MYO5A: variants seen among roughly 807,000 people sequenced by gnomAD.
The protein encoded by MYO5A is myosin VA.
MYO5A carries 98 observed loss-of-function variants against 249.7 expected under a neutral mutation model. The observed-to-expected ratio is 0.39, with a 90% CI of 0.33 to 0.46. The LOEUF is 0.46. Among genes scored for constraint, MYO5A ranks in the 20% least tolerant of loss-of-function variants. The probability of loss-of-function intolerance (pLI) is 0.98; values close to 1 mark genes in which losing one functional copy is unlikely to be tolerated. For missense variants in MYO5A, 1,696 were observed against 2,308.8 expected, an observed-to-expected ratio of 0.73 and a Z score of 5.44; for synonymous variants, 778 against 810.6, an observed-to-expected ratio of 0.96 and a Z score of 0.68.
chr15:52,459,979 G>A (rs933849617), intron 1 of MYO5A, among the ~76,000 whole-genome samples: 7 of 147,854 alleles, frequency 4.7e-5, no homozygotes, highest in African/African-American at 7.5e-5. Context: ...GGGTGGCGGC[G>A]GGGCAGAGAC....
chr15:52,513,117 T>C (rs2077426469), intron 1 of MYO5A, among the ~76,000 whole-genome samples: 1 of 151,104 alleles, frequency 6.6e-6, no homozygotes, highest in Admixed American at 6.6e-5. Flanking sequence ...AAAAAGATCG[T>C]AAGTCTTAAT....
chr15:52,518,440 A>G (rs2077541511), intron 1 of MYO5A, among the ~76,000 whole-genome samples: 1 of 152,174 alleles, frequency 6.6e-6, no homozygotes, highest in Non-Finnish European at 1.5e-5. Context: ...ACACATTCCG[A>G]CTTTATGAAA....
chr15:52,432,510 C>T (rs1474390972), intron 2 of MYO5A, among the ~76,000 whole-genome samples: 2 of 152,176 alleles, frequency 1.3e-5, no homozygotes, highest in East Asian at 3.8e-4. Context: ...CTTCAAATTC[C>T]AAAAGCCACT....
At chr15:52,528,210 G>C (rs1031726468) in intron 1 of MYO5A, among the ~76,000 whole-genome samples, 1 of 152,172 alleles carries the variant, frequency 6.6e-6, no homozygotes, top group African/African-American at 2.4e-5. Context: ...ATCAGCTCGC[G>C]TTCATCCGGC....
At chr15:52,366,447 T>C (rs2040810415) in intron 23 of MYO5A, among the ~76,000 whole-genome samples, 1 of 151,882 alleles carries the variant, frequency 6.6e-6, no homozygotes, top group South Asian at 2.1e-4. Flanking sequence ...TATAGATCTG[T>C]ATCTTCTTAC....
chr15:52,379,655 T>A lies in MYO5A; in HGVS notation c.2178A>T (p.Thr726=). The change falls in exon 18 of 42, where the codon ACA becomes ACT. Residue 726 remains threonine (T), a synonymous_variant. Coordinates refer to ENST00000399233, the MANE Select transcript of MYO5A (RefSeq NM_001382347.1). The part of the protein sequence containing the change: ...QKDVLSDRKQ[T]CKNVLEKLIL... ...TCAGTTTCTCTAACACATTCTTGCA[T>A]GTTTGCTTTCTGTCACTCAGCACAT... The A allele has an allele frequency of 6.2e-7, 1 of 1,614,166 alleles. No individual in the cohort carries two copies. Among genetic ancestry groups the A allele is most frequent in the South Asian group, 1.1e-5 (1 of 91,084 alleles).
At chr15:52,319,830 A>G (rs957716839) in intron 38 of MYO5A, among the ~76,000 whole-genome samples, 3 of 152,238 alleles carry the variant, frequency 2.0e-5, no homozygotes, top group Non-Finnish European at 4.4e-5. Flanking sequence ...AATAATTCTT[A>G]ATTGCAAAAA....
At chr15:52,499,305 T>A (rs1232512444) in intron 1 of MYO5A, among the ~76,000 whole-genome samples, 2 of 152,210 alleles carry the variant, frequency 1.3e-5, no homozygotes, top group Non-Finnish European at 2.9e-5. Flanking sequence ...ATGGATTTTC[T>A]TTTTTTATTA....
rs372394487 is a variant in MYO5A at position 52,323,388 on chromosome 15, A to T, written c.4767T>A (p.Phe1589Leu). ...VSFWLSNTCR[F>L]LHCLKQYSGE... is the part of the protein sequence containing the mutation. ...CACTGTACTGTTTCAAGCAGTGCAA[A>T]AATCGGCATGTGTTAGAGAGCCAGA... is the stretch of plus-strand genomic sequence containing the variant. Residue 1589 changes from phenylalanine to leucine, a missense_variant, in exon 37 of 42, where the codon TTT (phenylalanine) becomes TTA (leucine). This residue lies in a region of MYO5A where 625 missense variants were observed against 908.1 expected (regional missense o/e 0.69). Transcript: ENST00000399233. 65 of 1,613,740 alleles carry T rather than the reference A, an allele frequency of 4.0e-5. No homozygotes were observed. The highest frequency in any genetic ancestry group is 5.3e-5 in the Non-Finnish European group (63 of 1,179,792).
chr15:52,448,953 C>CTTTTTTTTTTT (rs1567136629), intron 1 of MYO5A, among the ~76,000 whole-genome samples: 1 of 61,874 alleles, frequency 1.6e-5, no homozygotes, highest in Non-Finnish European at 3.2e-5. Flanking sequence ...CTTTTCTTGT[C>CTTTTTTTTTTT]TTTCTTTTTT....
chr15:52,351,086 C>T (rs1225486777), intron 28 of MYO5A, among the ~76,000 whole-genome samples, 168 bp downstream of exon 28: 2 of 152,080 alleles, frequency 1.3e-5, no homozygotes, highest in Admixed American at 6.5e-5. Context: ...CCAATTTATA[C>T]TTACAATAGT....
rs2077260068 is a variant in MYO5A, at chr15:52,505,928, T to C, written c.27+22852A>G. 7 of 1,445,444 alleles carry C rather than the reference T, an allele frequency of 4.8e-6. No homozygotes were observed. The East Asian group carries it at 1.2e-4, about 24-fold the overall frequency. 89.5% of individuals were successfully genotyped at this position (1,445,444 alleles called of 1,614,324 possible). ...AGATTAAAAAAAAAATTTTTCAGACTCTTGGCTGGGCGCAGTGGCTCATAC... is the reference window on the plus strand; with the variant it reads ...AGATTAAAAAAAAAATTTTTCAGACCCTTGGCTGGGCGCAGTGGCTCATAC... On this transcript the variant is annotated intron_variant, in intron 1 of 41. Transcript: ENST00000399233.
chr15:52,496,591 G>C (rs895500316), intron 1 of MYO5A, among the ~76,000 whole-genome samples: 1 of 152,144 alleles, frequency 6.6e-6, no homozygotes, highest in African/African-American at 2.4e-5. Flanking sequence ...GGATCTAGAG[G>C]AGCTTTGAAA....
rs752461164 is a variant in MYO5A at position 52,375,404 on chromosome 15, C to A, written c.2477G>T (p.Arg826Leu). 1.9e-6 allele frequency: 3 copies of A among 1,614,100 alleles called. No homozygotes were observed. The highest frequency in any genetic ancestry group is 1.1e-5 in the South Asian group (1 of 91,068). The change falls in exon 20 of 42, where the codon CGC becomes CTC. Residue 826 changes from arginine (R) to leucine (L), a missense_variant. Physicochemically the swap from Arg to Leu is moderately radical, Grantham distance 102 (BLOSUM62 -2). Transcript: ENST00000399233. ...GTACCTCCTGCGGACCACATACATG[C>A]GCCAGTACTTTTGAATGATGGTTGC... ...KAATIIQKYW[R>L]MYVVRRRYKI...
At chr15:52,502,261 C>T (rs2077174911) in intron 1 of MYO5A, among the ~76,000 whole-genome samples, 1 of 152,016 alleles carries the variant, frequency 6.6e-6, no homozygotes, top group South Asian at 2.1e-4. Context: ...CCAGCCTATG[C>T]AACAGAGTGA....
chr15:52,371,630 G>C (rs1274650317), intron 21 of MYO5A, among the ~76,000 whole-genome samples: 1 of 152,096 alleles, frequency 6.6e-6, no homozygotes, highest in Admixed American at 6.5e-5. Flanking sequence ...GCTCATGCTT[G>C]TAATCCCAGT....
chr15:52,337,908 A>T, intron 32 of MYO5A, 24 bp from the exon 33 acceptor site: 1 of 1,483,842 alleles, frequency 6.7e-7, no homozygotes, highest in East Asian at 2.5e-5. Flanking sequence ...CACAATGGAT[A>T]TTTGTTTTTG....
chr15:52,386,344 A>T (rs1469366828), intron 14 of MYO5A, among the ~76,000 whole-genome samples: 19 of 152,134 alleles, frequency 1.2e-4, no homozygotes, highest in Non-Finnish European at 8.8e-5. Context: ...CAACAGCAAG[A>T]ATCAGATGAA....
chr15:52,480,612 T>C (rs1352801231), intron 1 of MYO5A, among the ~76,000 whole-genome samples: 1 of 152,166 alleles, frequency 6.6e-6, no homozygotes, highest in Non-Finnish European at 1.5e-5. Context: ...GCTGCACAAA[T>C]GGCAAGAGGA....
Sources: gnomAD v4.1 joint callset for allele counts (sites outside exome capture counted in the v4.1 genomes callset) on GRCh38, gnomAD v4.1.1 for gene constraint, gnomAD v4.1.1 regional missense constraint, MANE v1.5 for transcripts, NCBI Gene and HGNC (gene_info 2026-07-23, HGNC 2026-07-21) for gene names.